The following ZNRF3 variants were observed in gnomAD, a reference collection of about 807,000 sequenced individuals.
ZNRF3 encodes E3 ubiquitin-protein ligase ZNRF3.
ZNRF3 carries 23 observed loss-of-function variants against 72.5 expected under a neutral mutation model. That is an observed-to-expected ratio of 0.32 (90% CI 0.23 to 0.45). The LOEUF (loss-of-function observed/expected upper bound fraction) is 0.45. ZNRF3 is among the 20% of genes least tolerant of loss of function. The pLI is 1.00. For synonymous variants in ZNRF3, 610 were observed against 545.3 expected, an observed-to-expected ratio of 1.12 and a Z score of -1.65; for missense variants, 1,169 against 1,272.1, an observed-to-expected ratio of 0.92 and a Z score of 1.23.
chr22:28,941,204 G>A (rs1426684617), intron 1 of ZNRF3, among the ~76,000 whole-genome samples: 4 of 152,304 alleles, frequency 2.6e-5, no homozygotes, highest in African/African-American at 9.6e-5. Context: ...GAAATCAAGA[G>A]TCCTTTGCAT....
intron 1 of ZNRF3, among the ~76,000 whole-genome samples, chr22:28,966,867 C>CTTTTTTTTTTTTTTT (rs530036984): frequency 7.8e-5 from 8 of 102,434 alleles, no homozygotes; most frequent in African/African-American, 3.2e-4. Flanking sequence ...TTTTAAAAAT[C>CTTTTTTTTTTTTTTT]TTTTTTTTTT....
intron 1 of ZNRF3, among the ~76,000 whole-genome samples, chr22:28,909,785 G>A (rs1039715399): frequency 2.7e-5 from 4 of 149,584 alleles, no homozygotes; most frequent in African/African-American, 7.4e-5. Context: ...TAGGGAAAGG[G>A]TTCTACCATG....
chr22:28,979,763 T>A lies in ZNRF3; in HGVS notation c.301-7313T>A, dbSNP rs1027830510. On this transcript the variant is annotated intron_variant, in intron 1 of 8. Transcript: ENST00000544604. ...CCAGCAGTCATTTATTGAGCACCTG[T>A]TGGGTGCAAAGCTCTGTGTAGGGTG... Among the ~76,000 whole-genome samples the A allele has an allele frequency of 2.0e-5, 3 of 152,300 alleles. No homozygotes were observed. In the South Asian group the frequency reaches 6.2e-4, roughly 32 times the overall value.
rs139430 is a variant in ZNRF3, at chr22:28,894,338, CT to C, written c.300+10287del. On this transcript the variant is annotated intron_variant, in intron 1 of 8. Transcript: ENST00000544604. ...CATTTAGTAAATAGTAAAATACTGG[CT>C]TTTTTTTTTTTTTTGTCTGCCATAA... Among the ~76,000 whole-genome samples, 777 of 139,194 alleles carry C rather than the reference CT, an allele frequency of 5.6e-3. 5 individuals carry two copies. The highest frequency in any genetic ancestry group is 0.011 in the African/African-American group (396 of 37,600). 91.3% of individuals were successfully genotyped at this position (139,194 alleles called of 152,430 possible). A position where few individuals can be genotyped will look rare whatever the true frequency, so the allele number is the denominator to read the frequency against.
chr22:28,960,084 T>C (rs550857351), intron 1 of ZNRF3, among the ~76,000 whole-genome samples: 126 of 152,324 alleles, frequency 8.3e-4, no homozygotes, highest in African/African-American at 2.7e-3. Context: ...TATCTGTTCT[T>C]GGCCTGTTTT....
At chr22:28,994,288 G>C (rs2036013071) in intron 2 of ZNRF3, among the ~76,000 whole-genome samples, 1 of 146,584 alleles carries the variant, frequency 6.8e-6, no homozygotes, top group Non-Finnish European at 1.5e-5. Context: ...CCGGGTTCAA[G>C]TGATTGTCCT....
intron 1 of ZNRF3, among the ~76,000 whole-genome samples, chr22:28,924,839 A>G (rs1308252629): frequency 1.3e-5 from 2 of 151,960 alleles, no homozygotes; most frequent in African/African-American, 4.8e-5. Flanking sequence ...TCCCTTCCCT[A>G]GAGTATGTGA....
At chr22:28,974,358 C>T (rs1363499166) in intron 1 of ZNRF3, among the ~76,000 whole-genome samples, 2 of 152,130 alleles carry the variant, frequency 1.3e-5, no homozygotes, top group African/African-American at 4.8e-5. Flanking sequence ...GGAAAAAGCC[C>T]TGGTTAGCTT....
At chr22:29,039,784 CAAAAAAAAAAAAA>C (rs397976678) in intron 2 of ZNRF3, among the ~76,000 whole-genome samples, 1 of 85,326 alleles carries the variant, frequency 1.2e-5, no homozygotes, top group Non-Finnish European at 2.3e-5. Context: ...TCGTCTCTAC[CAAAAAAAAAAAAA>C]AAAAAAAAAA....
In ZNRF3 at chr22:29,048,132, A is replaced by C. The variant is rs2037107889; in HGVS notation, c.913-257A>C. Among the ~76,000 whole-genome samples, 1 of 152,142 alleles carries C rather than the reference A, an allele frequency of 6.6e-6. No individual in the cohort carries two copies. ...TGTTTGCCCTCCTCCAGCTACGGGAAAGACGCCTGCCTCTGTGCGTGCCCA... is the reference window on the plus strand; with the variant it reads ...TGTTTGCCCTCCTCCAGCTACGGGACAGACGCCTGCCTCTGTGCGTGCCCA... On this transcript the variant is annotated intron_variant, in intron 6 of 8. Coordinates refer to ENST00000544604, the MANE Select transcript of ZNRF3 (RefSeq NM_001206998.2). This position sits in a 1 kb window ranked among gnomAD's most constrained non-coding sequence, Gnocchi z 4.9.
chr22:28,887,233 AGAGTGTGTGTGT>A (rs1258020690), intron 1 of ZNRF3, among the ~76,000 whole-genome samples: 4 of 72,854 alleles, frequency 5.5e-5, no homozygotes, highest in African/African-American at 3.0e-4. Flanking sequence ...AGAGAGAGAG[AGAGTGTGTGTGT>A]GTGTGTGTGT....
At position 29,048,597 on chromosome 22, in the gene ZNRF3, CT is replaced by C. The variant is rs2037118730; in HGVS notation, c.1015+107del. 1 of 1,172,106 alleles carries C rather than the reference CT, an allele frequency of 8.5e-7. No homozygotes were observed. The highest frequency in any genetic ancestry group is 1.4e-5 in the South Asian group (1 of 72,538). 72.6% of individuals were successfully genotyped at this position (1,172,106 alleles called of 1,614,324 possible). A position where few individuals can be genotyped will look rare whatever the true frequency, so the allele number is the denominator to read the frequency against. Reference sequence around the variant, plus strand: ...CTCAGAACCACCGTGGCACTGCCCTCTGGACTTGGAGGCCTGGCAGCCCTGG... The same window carrying C: ...CTCAGAACCACCGTGGCACTGCCCTCGGACTTGGAGGCCTGGCAGCCCTGG... On this transcript the variant is annotated intron_variant, in intron 7 of 8. Transcript: ENST00000544604. This position sits in a 1 kb window ranked among gnomAD's most constrained non-coding sequence, Gnocchi z 4.9.
At chr22:29,034,812 C>T (rs2036836351) in intron 2 of ZNRF3, among the ~76,000 whole-genome samples, 4 of 152,256 alleles carry the variant, frequency 2.6e-5, no homozygotes, top group Middle Eastern at 6.8e-3. Flanking sequence ...GCACCATGGG[C>T]AGGATGTGTG....
At chr22:29,040,401 G>GA (rs1359138535) in intron 2 of ZNRF3, among the ~76,000 whole-genome samples, 1 of 151,992 alleles carries the variant, frequency 6.6e-6, no homozygotes, top group Admixed American at 6.5e-5. Context: ...GACTGGTCTG[G>GA]AACTCCTGAC....
In ZNRF3 at chr22:29,053,812, A is replaced by C; in HGVS notation, c.*190A>C. ...AAACCACCCCCTACCCCATTAACAA[A>C]TCAACAGACAAAATTCTCCGAGTCC... On this transcript the variant is annotated 3_prime_UTR_variant, in exon 9 of 9. Transcript: ENST00000544604. The C allele has an allele frequency of 1.9e-6, 1 of 522,302 alleles. No homozygotes were observed. The highest frequency in any genetic ancestry group is 3.4e-6 in the Non-Finnish European group (1 of 297,120). 32.4% of individuals were successfully genotyped at this position (522,302 alleles called of 1,614,324 possible). A position where few individuals can be genotyped will look rare whatever the true frequency, so the allele number is the denominator to read the frequency against.
In ZNRF3 at chr22:29,024,448, G is replaced by A. The variant is rs186310260; in HGVS notation, c.427-18047G>A. On this transcript the variant is annotated intron_variant, in intron 2 of 8. Coordinates refer to ENST00000544604, the MANE Select transcript of ZNRF3 (RefSeq NM_001206998.2). ...TGCTGAGGGTTCCCAGGCAGCGTGCGTTGCTACTGAGGTCTGCTGTTCACA... is the reference window on the plus strand; with the variant it reads ...TGCTGAGGGTTCCCAGGCAGCGTGCATTGCTACTGAGGTCTGCTGTTCACA... 1.7e-4 allele frequency among the ~76,000 whole-genome samples: 26 copies of A among 152,210 alleles called. No homozygotes were observed. In the East Asian group the frequency reaches 4.2e-3, roughly 25 times the overall value.
intron 1 of ZNRF3, among the ~76,000 whole-genome samples, chr22:28,960,350 A>G (rs1361480638): frequency 6.6e-6 from 1 of 152,140 alleles, no homozygotes; most frequent in African/African-American, 2.4e-5. Flanking sequence ...GTGAGACCCA[A>G]CCCCTGTCAA....
In ZNRF3 at chr22:29,049,872, C is replaced by G. The variant is rs1569297090; in HGVS notation, c.1691C>G (p.Ser564Cys). 1 of 1,605,306 alleles carries G rather than the reference C, an allele frequency of 6.2e-7. No individual in the cohort carries two copies. Residue 564 changes from serine to cysteine, a missense_variant, in exon 8 of 9, where the codon TCC becomes TGC. Transcript: ENST00000544604. The surrounding 1 kb of genome is among the most constrained non-coding windows in gnomAD (Gnocchi z 5.2). ...SSSSGQCHCSSSDSVVDCTEV... is the reference protein window; with the variant it reads ...SSSSGQCHCSCSDSVVDCTEV... Reference sequence around the variant, plus strand: ...AGCTCCGGCCAGTGCCACTGTTCCTCCAGTGACTCTGTGGTAGACTGCACT... The same window carrying G: ...AGCTCCGGCCAGTGCCACTGTTCCTGCAGTGACTCTGTGGTAGACTGCACT...
At chr22:28,937,174 A>AATAT (rs61520434) in intron 1 of ZNRF3, among the ~76,000 whole-genome samples, 61 of 78,658 alleles carry the variant, frequency 7.8e-4, no homozygotes, top group African/African-American at 3.2e-3. Context: ...TCTCTCTTAT[A>AATAT]ATATATATAT....
Sources: allele counts gnomAD v4.1 joint callset (sites outside exome capture counted in the v4.1 genomes callset), GRCh38; gene constraint gnomAD v4.1.1; non-coding constraint Gnocchi (gnomAD v3.1); transcripts MANE v1.5; gene names NCBI Gene and HGNC (gene_info 2026-07-23, HGNC 2026-07-21).